The following PARP4 variants were observed in gnomAD, a reference collection of about 807,000 sequenced individuals.
PARP4 encodes poly(ADP-ribose) polymerase family member 4.
Under a neutral mutation model 187.7 loss-of-function variants are expected in PARP4, and 120 were observed. The observed-to-expected ratio is 0.64, with a 90% CI of 0.55 to 0.74. The LOEUF (loss-of-function observed/expected upper bound fraction) is 0.74, where lower values mean the gene tolerates loss of function less well. PARP4 is among the 30% of genes least tolerant of loss of function. The probability of loss-of-function intolerance (pLI) is 0.00; values close to 1 mark genes in which losing one functional copy is unlikely to be tolerated. For synonymous variants in PARP4, 654 were observed against 740.9 expected, an observed-to-expected ratio of 0.88 and a Z score of 1.90; for missense variants, 1,836 against 2,070.5, an observed-to-expected ratio of 0.89 and a Z score of 2.20.
rs149473153 is a variant in PARP4, at chr13:24,485,226, G to A, written c.1353-478C>T. Among the ~76,000 whole-genome samples, 113 of 152,134 alleles carry A rather than the reference G, an allele frequency of 7.4e-4. 2 individuals carry two copies. In the East Asian group the frequency reaches 0.021, roughly 29 times the overall value. On this transcript the variant is annotated intron_variant, in intron 11 of 33. Transcript: ENST00000381989. ...TCTTCCACAGAGATAAGATCTACTT[G>A]TATCATATCCTAAATCTTCTGTGTT...
intron 1 of PARP4, among the ~76,000 whole-genome samples, chr13:24,510,123 C>G (rs1459519718): frequency 6.6e-6 from 1 of 152,134 alleles, no homozygotes; most frequent in Non-Finnish European, 1.5e-5. Flanking sequence ...ATAGGACTTT[C>G]ACTTTCACAG....
intron 11 of PARP4, 30 bp downstream of exon 11, chr13:24,486,138 T>C (rs771020786): frequency 1.3e-6 from 2 of 1,576,920 alleles, no homozygotes; most frequent in Non-Finnish European, 1.7e-6. Flanking sequence ...GAGCCTGAAA[T>C]TTTTGAAAAA....
At chr13:24,503,499 T>C (rs536571851) in intron 2 of PARP4, 146 bp downstream of exon 2, 6 of 925,580 alleles carry the variant, frequency 6.5e-6, no homozygotes, top group Admixed American at 2.4e-5. Flanking sequence ...AGCCTCCCAA[T>C]GGGCCATGTC....
intron 1 of PARP4, among the ~76,000 whole-genome samples, chr13:24,505,315 G>C (rs1231828787): frequency 6.6e-6 from 1 of 152,148 alleles, no homozygotes; most frequent in Non-Finnish European, 1.5e-5. Flanking sequence ...AGGTATGGGC[G>C]GGAGGGGTCT....
chr13:24,455,476 AACAAATATAT>A (rs1415695473), intron 21 of PARP4, among the ~76,000 whole-genome samples: 1 of 67,420 alleles, frequency 1.5e-5, no homozygotes, highest in Non-Finnish European at 3.3e-5. Context: ...AACATTATGG[AACAAATATAT>A]ATATATATAT....
At position 24,446,409 on chromosome 13, in the gene PARP4, TC is replaced by T. The variant is rs533002341; in HGVS notation, c.3366+271del. ...AAGTACAGACAGCAGGGGTATCCAA[TC>T]TTTTGGCTTCCCTGGGCCACAGTGG... On this transcript the variant is annotated intron_variant, in intron 27 of 33. Coordinates refer to ENST00000381989, the MANE Select transcript of PARP4 (RefSeq NM_006437.4). Among the ~76,000 whole-genome samples, 46 of 152,120 alleles carry T rather than the reference TC, an allele frequency of 3.0e-4. 1 individual carries two copies. In the East Asian group the frequency reaches 7.5e-3, roughly 25 times the overall value.
chr13:24,476,740 T>C (rs1873006302), intron 14 of PARP4, among the ~76,000 whole-genome samples: 1 of 152,222 alleles, frequency 6.6e-6, no homozygotes, highest in Non-Finnish European at 1.5e-5. Context: ...GTTCTTACAG[T>C]CCTACTAATT....
intron 33 of PARP4, among the ~76,000 whole-genome samples, chr13:24,421,652 C>T (rs1312632333): frequency 3.2e-4 from 49 of 152,322 alleles, no homozygotes; most frequent in Admixed American, 2.2e-3. Context: ...CCATTCTTCA[C>T]GCACAAACTC....
At chr13:24,428,860 T>C (rs1870189058) in intron 32 of PARP4, among the ~76,000 whole-genome samples, 1 of 150,504 alleles carries the variant, frequency 6.6e-6, no homozygotes, top group African/African-American at 2.5e-5. Flanking sequence ...CTGAGTTTGT[T>C]GGATCTGGAA....
chr13:24,505,135 G>T (rs1240301213), intron 1 of PARP4, among the ~76,000 whole-genome samples: 2 of 148,374 alleles, frequency 1.3e-5, no homozygotes, highest in East Asian at 3.9e-4. Context: ...GAGGGTTAAA[G>T]AAAGACACAC....
At chr13:24,475,136 C>T (rs1261945321) in intron 15 of PARP4, among the ~76,000 whole-genome samples, 3 of 152,318 alleles carry the variant, frequency 2.0e-5, no homozygotes, top group South Asian at 2.1e-4. Flanking sequence ...CCCTGTCTTT[C>T]ACAGCTCCTA....
chr13:24,511,709 C>T (rs1397356742), intron 1 of PARP4, among the ~76,000 whole-genome samples: 2 of 152,208 alleles, frequency 1.3e-5, no homozygotes, highest in African/African-American at 4.8e-5. Context: ...GTGTGTGAGT[C>T]AGCACACGCT....
At chr13:24,508,746 T>G (rs1206509806) in intron 1 of PARP4, among the ~76,000 whole-genome samples, 1 of 152,144 alleles carries the variant, frequency 6.6e-6, no homozygotes, top group Non-Finnish European at 1.5e-5. Flanking sequence ...ACTCCCAACC[T>G]TAAGTGATCT....
intron 27 of PARP4, among the ~76,000 whole-genome samples, chr13:24,445,339 T>C (rs1871158724): frequency 6.6e-6 from 1 of 152,060 alleles, no homozygotes; most frequent in African/African-American, 2.4e-5. Context: ...AGGTGACTTT[T>C]AGAAAGTCCC....
intron 27 of PARP4, among the ~76,000 whole-genome samples, chr13:24,445,654 C>T (rs1871173550): frequency 1.3e-5 from 2 of 152,176 alleles, no homozygotes; most frequent in Admixed American, 6.5e-5. Context: ...CATTCGTATC[C>T]TTTATAATAT....
chr13:24,446,057 A>G (rs993272772), intron 27 of PARP4, among the ~76,000 whole-genome samples: 3 of 152,262 alleles, frequency 2.0e-5, no homozygotes, highest in African/African-American at 7.2e-5. Flanking sequence ...AAAAAAGGAA[A>G]TAAACCCACA....
intron 32 of PARP4, among the ~76,000 whole-genome samples, chr13:24,430,294 A>G (rs1439525442): frequency 1.3e-5 from 2 of 152,090 alleles, no homozygotes; most frequent in Non-Finnish European, 2.9e-5. Flanking sequence ...GGGCAGTGAG[A>G]CGCTGCTGCT....
chr13:24,503,580 C>T (rs1054211944), intron 2 of PARP4, 65 bp downstream of exon 2: 11 of 1,568,124 alleles, frequency 7.0e-6, no homozygotes, highest in Non-Finnish European at 7.9e-6. Context: ...CCTCTTCTAA[C>T]CATGACCCTG....
chr13:24,506,247 G>A lies in PARP4; in HGVS notation c.-1-2470C>T, dbSNP rs150179466. 1.6e-4 allele frequency among the ~76,000 whole-genome samples: 25 copies of A among 152,258 alleles called. No homozygotes were observed. In the East Asian group the frequency reaches 4.8e-3, roughly 29 times the overall value. On this transcript the variant is annotated intron_variant, in intron 1 of 33. Transcript: ENST00000381989. Reference sequence around the variant, plus strand: ...GCGCATCCAGAGTTTGTCCGGAGTTGTTTACTCCTACCGGTGGGTTCGTGG... The same window carrying A: ...GCGCATCCAGAGTTTGTCCGGAGTTATTTACTCCTACCGGTGGGTTCGTGG...
Sources: gnomAD v4.1 joint callset for allele counts (sites outside exome capture counted in the v4.1 genomes callset) on GRCh38, gnomAD v4.1.1 for gene constraint, MANE v1.5 for transcripts, NCBI Gene and HGNC (gene_info 2026-07-23, HGNC 2026-07-21) for gene names.